KLHL17: variants seen among roughly 807,000 people sequenced by gnomAD.
The protein encoded by KLHL17 is kelch like family member 17.
In KLHL17, 71 loss-of-function variants were observed where a neutral mutation model predicts 64.6. That is an observed-to-expected ratio of 1.10 (90% CI 0.91 to 1.34). The LOEUF is 1.34. Among genes scored for constraint, KLHL17 ranks in the 40% most tolerant of loss-of-function variants. The probability of loss-of-function intolerance (pLI) is 0.00; values close to 1 mark genes in which losing one functional copy is unlikely to be tolerated. For missense variants in KLHL17, 1,140 were observed against 935.0 expected (o/e 1.22, Z -2.86); for synonymous variants, 612 against 405.4 (o/e 1.51, Z -6.12).
Position 960,678 on chromosome 1 carries a change from TG to T in KLHL17, c.-13del. ...CCGCGGGTCCTCCGCGAATCGGCGGTGGGTCCGGCAGCCGAATGCAGCCCCG... is the reference window on the plus strand; with the variant it reads ...CCGCGGGTCCTCCGCGAATCGGCGGTGGTCCGGCAGCCGAATGCAGCCCCG... On this transcript the variant is annotated 5_prime_UTR_variant, in exon 1 of 12. Transcript: ENST00000338591. 1 of 1,366,014 alleles carries T rather than the reference TG, an allele frequency of 7.3e-7. No homozygotes were observed. The highest frequency in any genetic ancestry group is 9.5e-7 in the Non-Finnish European group (1 of 1,052,940). The allele number at this position is 1,366,014 out of a possible 1,614,324, so 84.6% of individuals were successfully genotyped here.
At position 965,351 on chromosome 1, in the gene KLHL17, G is replaced by A. The variant is rs921259186; in HGVS notation, c.*160G>A. The A allele has an allele frequency of 6.3e-5, 40 of 635,784 alleles. No individual in the cohort carries two copies. The highest frequency in any genetic ancestry group is 6.2e-4 in the African/African-American group (34 of 54,832). The allele number at this position is 635,784 out of a possible 1,614,324, so 39.4% of individuals were successfully genotyped here. On this transcript the variant is annotated 3_prime_UTR_variant, in exon 12 of 12. Transcript: ENST00000338591. Reference sequence around the variant, plus strand: ...TAGTTATTTATCTTATTTATTGAGGGGTGAGGAGTGCCACGGCTGCCCGTT... The same window carrying A: ...TAGTTATTTATCTTATTTATTGAGGAGTGAGGAGTGCCACGGCTGCCCGTT...
At chr1:964,904 GC>G in intron 11 of KLHL17, 58 bp from the exon 12 acceptor site, 1 of 1,269,524 alleles carries the variant, frequency 7.9e-7, no homozygotes, top group East Asian at 2.5e-5. Flanking sequence ...TTTTTGTGGT[GC>G]AGCCCCTCCC....
At chr1:964,697 G>A (rs1391557008) in intron 11 of KLHL17, among the ~76,000 whole-genome samples, 167 bp downstream of exon 11, 1 of 2,488 alleles carries the variant, frequency 4.0e-4, no homozygotes, top group South Asian at 5.6e-3. Flanking sequence ...GTGCTGCCGG[G>A]AGGGGGGCGC....
intron 1 of KLHL17, among the ~76,000 whole-genome samples, 198 bp from the exon 2 acceptor site, chr1:961,095 C>T (rs1319035504): frequency 6.6e-6 from 1 of 150,892 alleles, no homozygotes; most frequent in African/African-American, 2.4e-5. Flanking sequence ...GACTACGCCC[C>T]AGGGGAGCAG....
intron 6 of KLHL17, 27 bp downstream of exon 6, chr1:962,944 T>C (rs749088261): frequency 1.3e-6 from 2 of 1,527,590 alleles, no homozygotes; most frequent in Non-Finnish European, 8.8e-7. Flanking sequence ...GTTTCCCTCT[T>C]GCCCTGTGCC....
chr1:964,247 C>G, intron 10 of KLHL17, 67 bp downstream of exon 10: 1 of 1,599,812 alleles, frequency 6.3e-7, no homozygotes, highest in Non-Finnish European at 8.5e-7. Flanking sequence ...CTCTGTTTAC[C>G]CACATCCCCC....
In KLHL17 at chr1:961,284, C is replaced by T; in HGVS notation, c.108-9C>T. ...GCGGGGCGAAGCCTGACCCGCCCGCCTCCTGCAGCCCCGAGGCAGAGCGCA... is the reference window on the plus strand; with the variant it reads ...GCGGGGCGAAGCCTGACCCGCCCGCTTCCTGCAGCCCCGAGGCAGAGCGCA... On this transcript the variant is annotated splice_polypyrimidine_tract_variant and intron_variant, in intron 1 of 11. Transcript: ENST00000338591. 6.8e-7 allele frequency: 1 copy of T among 1,473,302 alleles called. No individual in the cohort carries two copies. Among genetic ancestry groups the T allele is most frequent in the Admixed American group, 2.8e-5 (1 of 35,920 alleles). 91.3% of individuals were successfully genotyped at this position (1,473,302 alleles called of 1,614,324 possible). A position where few individuals can be genotyped will look rare whatever the true frequency, so the allele number is the denominator to read the frequency against.
In KLHL17 at chr1:962,062, GCCCAGCCCTCGCCC is replaced by G. The variant is rs754996796; in HGVS notation, c.711+20_711+33del. The G allele has an allele frequency of 6.2e-7, 1 of 1,609,322 alleles. No individual in the cohort carries two copies. Among genetic ancestry groups the G allele is most frequent in the African/African-American group, 1.3e-5 (1 of 74,960 alleles). On this transcript the variant is annotated intron_variant, in intron 4 of 11. Coordinates refer to ENST00000338591, the MANE Select transcript of KLHL17 (RefSeq NM_198317.3). ...CCCTGAAACAGGTAACAGCTGGCGG[GCCCAGCCCTCGCCC>G]CCCACCCCACCCCACCCCAGTCTTT...
Position 961,947 on chromosome 1 carries a change from A to T in KLHL17, c.611A>T (p.His204Leu). The change falls in exon 4 of 12, where the codon CAC becomes CTC. Residue 204 changes from histidine to leucine, a missense_variant. Transcript: ENST00000338591. The part of the protein sequence containing the change: ...CLGIRGFADA[H>L]SCSDLLKAAH... Reference sequence around the variant, plus strand: ...GGTATCCGGGGCTTTGCCGATGCGCACTCCTGCAGCGACCTGCTCAAGGCC... The same window carrying T: ...GGTATCCGGGGCTTTGCCGATGCGCTCTCCTGCAGCGACCTGCTCAAGGCC... The T allele has an allele frequency of 6.2e-7, 1 of 1,612,256 alleles. No homozygotes were observed. Among genetic ancestry groups the T allele is most frequent in the Non-Finnish European group, 8.5e-7 (1 of 1,179,844 alleles).
At position 962,407 on chromosome 1, in the gene KLHL17, T is replaced by C. The variant is rs1642700252; in HGVS notation, c.764T>C (p.Val255Ala). The C allele has an allele frequency of 6.2e-7, 1 of 1,612,508 alleles. No individual in the cohort carries two copies. The highest frequency in any genetic ancestry group is 2.2e-5 in the East Asian group (1 of 44,876). Residue 255 changes from valine (V) to alanine (A), a missense_variant, in exon 5 of 12, where the codon GTC (valine) becomes GCC (alanine). By Grantham distance (64) the Val-to-Ala change is moderately conservative. Coordinates refer to ENST00000338591, the MANE Select transcript of KLHL17 (RefSeq NM_198317.3). Reference protein sequence around the residue: ...DSLNVPSEEEVYRAVLSWVKH... With the variant: ...DSLNVPSEEEAYRAVLSWVKH... The stretch of plus-strand genomic sequence containing the variant: ...CTGAACGTGCCTTCAGAGGAGGAGG[T>C]CTACCGAGCCGTCCTGAGCTGGGTG...
rs79271696 is a variant in KLHL17, at chr1:961,906, C to T, written c.570C>T (p.Asp190=). The T allele has an allele frequency of 1.6e-4, 260 of 1,612,936 alleles. No individual in the cohort carries two copies. The African/African-American group carries it at 2.1e-3, about 13-fold the overall frequency. The change falls in exon 4 of 12, where the codon GAC becomes GAT. Residue 190 remains aspartate, a synonymous_variant. Transcript: ENST00000338591. The part of the protein sequence containing the change: ...ACCKFLLSQL[D]PSNCLGIRGF... ...GCAAGTTTCTACTGAGTCAGCTCGA[C>T]CCCTCCAACTGCCTGGGTATCCGGG...
Position 964,521 on chromosome 1 carries a change from A to C in KLHL17, c.1691A>C (p.Asn564Thr). Residue 564 changes from asparagine (N) to threonine (T), a missense_variant, in exon 11 of 12, where the codon AAT (asparagine) becomes ACT (threonine). Asn to Thr is a moderately conservative substitution (Grantham distance 65). Transcript: ENST00000338591. ...AGAWESVAPM[N>T]IRRSTHDLVA... is the part of the protein sequence containing the mutation. The stretch of plus-strand genomic sequence containing the variant: ...GCCTGGGAAAGCGTGGCGCCCATGA[A>C]TATCCGCAGGTCCGCAGTGGGGCTG... 1.0e-5 allele frequency: 15 copies of C among 1,504,056 alleles called. No homozygotes were observed. Among genetic ancestry groups the C allele is most frequent in the South Asian group, 2.5e-5 (2 of 80,012 alleles). The allele number at this position is 1,504,056 out of a possible 1,614,324, so 93.2% of individuals were successfully genotyped here. A position where few individuals can be genotyped will look rare whatever the true frequency, so the allele number is the denominator to read the frequency against.
rs141117010 is a variant in KLHL17, at chr1:961,485, C to T, written c.300C>T (p.Ala100=). The change falls in exon 2 of 12, where the codon GCC becomes GCT. Residue 100 remains alanine, a synonymous_variant. Coordinates refer to ENST00000338591, the MANE Select transcript of KLHL17 (RefSeq NM_198317.3). ...LLCDIVLHVA[A]KEIRAHKVVL... is the part of the protein sequence containing the mutation. ...GCGACATCGTCCTGCACGTGGCTGCCAAGGAGATCCGTGCGCACAAAGTGG... is the reference window on the plus strand; with the variant it reads ...GCGACATCGTCCTGCACGTGGCTGCTAAGGAGATCCGTGCGCACAAAGTGG... The T allele has an allele frequency of 9.9e-6, 16 of 1,612,516 alleles. No individual in the cohort carries two copies. The highest frequency in any genetic ancestry group is 1.1e-5 in the South Asian group (1 of 91,084).
At chr1:962,075 C>A in intron 4 of KLHL17, 28 bp downstream of exon 4, 1 of 1,570,688 alleles carries the variant, frequency 6.4e-7, no homozygotes, top group Non-Finnish European at 8.7e-7. Context: ...CAGCCCTCGC[C>A]CCCCACCCCA....
In KLHL17 at chr1:964,979, G is replaced by A. The variant is rs1240927983; in HGVS notation, c.1717G>A (p.Val573Met). 6.2e-7 allele frequency: 1 copy of A among 1,609,190 alleles called. No individual in the cohort carries two copies. Among genetic ancestry groups the A allele is most frequent in the Non-Finnish European group, 8.5e-7 (1 of 1,177,292 alleles). Residue 573 changes from valine (V) to methionine (M), a missense_variant, in exon 12 of 12, where the codon GTG becomes ATG. Physicochemically the swap from Val to Met is conservative, Grantham distance 21. Transcript: ENST00000338591. ...TCCCCCCAGGAGCACGCATGACCTGGTGGCCATGGACGGATGGTTGTACGC... is the reference window on the plus strand; with the variant it reads ...TCCCCCCAGGAGCACGCATGACCTGATGGCCATGGACGGATGGTTGTACGC... ...MNIRRSTHDL[V>M]AMDGWLYAVG...
chr1:961,786 G>C, intron 3 of KLHL17, 36 bp downstream of exon 3: 2 of 1,611,310 alleles, frequency 1.2e-6, no homozygotes, highest in East Asian at 2.2e-5. Context: ...GGTGTCCCCC[G>C]ACCCTGTGCC....
rs1642639484 is a variant in KLHL17 at position 961,402 on chromosome 1, C to T, written c.217C>T (p.Arg73Trp). Reference sequence around the variant, plus strand: ...CCACAGCGTGGCCCACAACTCCAAGCGGCACTACCACGATGCCTTCGTGGC... The same window carrying T: ...CCACAGCGTGGCCCACAACTCCAAGTGGCACTACCACGATGCCTTCGTGGC... ...EGHSVAHNSK[R>W]HYHDAFVAMS... is the part of the protein sequence containing the mutation. The change falls in exon 2 of 12, where the codon CGG becomes TGG. Residue 73 changes from arginine (R) to tryptophan (W), a missense_variant. Transcript: ENST00000338591. 1.2e-6 allele frequency: 2 copies of T among 1,610,120 alleles called. No homozygotes were observed. Among genetic ancestry groups the T allele is most frequent in the Non-Finnish European group, 1.7e-6 (2 of 1,179,088 alleles).
In KLHL17 at chr1:961,693, C is replaced by T. The variant is rs764965854; in HGVS notation, c.432C>T (p.Asp144=). ...TLHDIDPQAL[D]QLVQFAYTAE... is the part of the protein sequence containing the mutation. ...ACGACATCGACCCTCAGGCCTTGGA[C>T]CAGCTGGTGCAGTTTGCCTACACGG... The change falls in exon 3 of 12, where the codon GAC becomes GAT. Residue 144 remains aspartate (D), a synonymous_variant. Coordinates refer to ENST00000338591, the MANE Select transcript of KLHL17 (RefSeq NM_198317.3). The T allele has an allele frequency of 1.2e-6, 2 of 1,612,378 alleles. No homozygotes were observed. The highest frequency in any genetic ancestry group is 2.2e-5 in the East Asian group (1 of 44,828).
Position 961,680 on chromosome 1 carries a change from C to T in KLHL17, c.419C>T (p.Pro140Leu), listed in dbSNP as rs376612097. ...CACGTGACGCTGCACGACATCGACC[C>T]TCAGGCCTTGGACCAGCTGGTGCAG... ...QTHVTLHDID[P>L]QALDQLVQFA... The change falls in exon 3 of 12, where the codon CCT becomes CTT. Residue 140 changes from proline to leucine, a missense_variant. Pro to Leu is a moderately conservative substitution (Grantham distance 98). Coordinates refer to ENST00000338591, the MANE Select transcript of KLHL17 (RefSeq NM_198317.3). 1.4e-5 allele frequency: 23 copies of T among 1,612,444 alleles called. No homozygotes were observed. Among genetic ancestry groups the T allele is most frequent in the South Asian group, 3.3e-5 (3 of 91,032 alleles).
Sources: allele counts gnomAD v4.1 joint callset (sites outside exome capture counted in the v4.1 genomes callset), GRCh38; gene constraint gnomAD v4.1.1; transcripts MANE v1.5; gene names NCBI Gene and HGNC (gene_info 2026-07-23, HGNC 2026-07-21).